The following RAPGEF5 variants were observed in gnomAD, a reference collection of about 807,000 sequenced individuals.
RAPGEF5 encodes the protein M-Ras-regulated GEF.
RAPGEF5 carries 65 observed loss-of-function variants against 125.2 expected under a neutral mutation model. The ratio of observed to expected loss-of-function variants is 0.52; its 90% confidence interval spans 0.43 to 0.64. The LOEUF (loss-of-function observed/expected upper bound fraction) is 0.64, where lower values mean the gene tolerates loss of function less well. RAPGEF5 is among the 30% of genes least tolerant of loss of function. The pLI is 0.00. For missense variants in RAPGEF5, 958 were observed against 1,048.1 expected (o/e 0.91, Z 1.19); for synonymous variants, 391 against 385.9 (o/e 1.01, Z -0.16).
intron 1 of RAPGEF5, among the ~76,000 whole-genome samples, chr7:22,347,538 T>G (rs1784245638): frequency 6.6e-6 from 1 of 152,102 alleles, no homozygotes; most frequent in Admixed American, 6.6e-5. Flanking sequence ...GTAAGATACA[T>G]CTCAATTTTG....
At chr7:22,341,666 G>C (rs1030286850) in intron 1 of RAPGEF5, among the ~76,000 whole-genome samples, 1 of 152,146 alleles carries the variant, frequency 6.6e-6, no homozygotes, top group Non-Finnish European at 1.5e-5. Flanking sequence ...AAAACAAAGG[G>C]GCTACAGGCC....
At chr7:22,157,164 C>T (rs1783837042) in intron 15 of RAPGEF5, among the ~76,000 whole-genome samples, 1 of 152,208 alleles carries the variant, frequency 6.6e-6, no homozygotes, top group Non-Finnish European at 1.5e-5. Flanking sequence ...CTGGCTATTA[C>T]AAACATCCAT....
chr7:22,295,096 A>G (rs1006436783), intron 5 of RAPGEF5, among the ~76,000 whole-genome samples: 2 of 152,154 alleles, frequency 1.3e-5, no homozygotes, highest in African/African-American at 4.8e-5. Context: ...TCCCCTACCC[A>G]TGATGTCTAT....
At chr7:22,142,489 G>A (rs1250322692) in intron 20 of RAPGEF5, among the ~76,000 whole-genome samples, 2 of 151,802 alleles carry the variant, frequency 1.3e-5, no homozygotes, top group South Asian at 2.1e-4. Flanking sequence ...GGTCCATATA[G>A]CTTTCTTTTT....
chr7:22,220,558 G>C lies in RAPGEF5; in HGVS notation c.871-567C>G, dbSNP rs191774971. 2.6e-3 allele frequency among the ~76,000 whole-genome samples: 401 copies of C among 152,124 alleles called. 3 individuals are homozygous for C. The highest frequency in any genetic ancestry group is 9.5e-3 in the African/African-American group (394 of 41,478). The stretch of plus-strand genomic sequence containing the variant: ...TACCACTAATAGTGCATAAAAGATG[G>C]TGAAATATTTTGCTAAAAATAAGAC... On this transcript the variant is annotated intron_variant, in intron 8 of 25. Transcript: ENST00000665637.
At chr7:22,147,366 G>T (rs986248147) in intron 18 of RAPGEF5, among the ~76,000 whole-genome samples, 1 of 152,208 alleles carries the variant, frequency 6.6e-6, no homozygotes, top group African/African-American at 2.4e-5. Flanking sequence ...TTGGCTTCTG[G>T]TAAGAATTAA....
intron 18 of RAPGEF5, among the ~76,000 whole-genome samples, chr7:22,149,353 C>A (rs927528794): frequency 2.6e-5 from 4 of 152,198 alleles, no homozygotes; most frequent in Admixed American, 2.6e-4. Context: ...ATTATACATA[C>A]AACAGGAGCC....
rs56227551 is a variant in RAPGEF5 at position 22,197,893 on chromosome 7, T to G, written c.997-3860A>C. Among the ~76,000 whole-genome samples, 67 of 116,346 alleles carry G rather than the reference T, an allele frequency of 5.8e-4. 1 individual carries two copies. The highest frequency in any genetic ancestry group is 1.2e-3 in the East Asian group (4 of 3,476). 76.3% of individuals were successfully genotyped at this position (116,346 alleles called of 152,430 possible). ...ATTAAATCTCTTTTTTCTTTTTTTT[T>G]GGGGGGGGGTGGTAGGAGGACATTC... is the stretch of plus-strand genomic sequence containing the variant. On this transcript the variant is annotated intron_variant, in intron 9 of 25. Coordinates refer to ENST00000665637, the MANE Select transcript of RAPGEF5 (RefSeq NM_012294.5).
At chr7:22,353,435 T>C (rs1250590755) in intron 1 of RAPGEF5, among the ~76,000 whole-genome samples, 1 of 152,186 alleles carries the variant, frequency 6.6e-6, no homozygotes, top group African/African-American at 2.4e-5. Flanking sequence ...AATGTCCTTA[T>C]CAGGACCGTA....
intron 7 of RAPGEF5, among the ~76,000 whole-genome samples, chr7:22,252,354 G>A (rs1351787122): frequency 1.3e-5 from 2 of 152,124 alleles, no homozygotes; most frequent in Non-Finnish European, 2.9e-5. Flanking sequence ...AATTCAATTA[G>A]CTTTGTCTAC....
At chr7:22,139,993 T>C (rs1288799994) in intron 21 of RAPGEF5, 32 bp downstream of exon 21, 5 of 1,500,624 alleles carry the variant, frequency 3.3e-6, no homozygotes, top group Non-Finnish European at 4.5e-6. Flanking sequence ...TTCCATTTTA[T>C]GTGCCCCTCA....
At chr7:22,342,228 C>T (rs767588430) in intron 1 of RAPGEF5, among the ~76,000 whole-genome samples, 1 of 152,202 alleles carries the variant, frequency 6.6e-6, no homozygotes. Flanking sequence ...TATGTTGGCC[C>T]CTTTCAGCCA....
At chr7:22,331,514 G>A (rs1269899701) in intron 1 of RAPGEF5, among the ~76,000 whole-genome samples, 1 of 152,096 alleles carries the variant, frequency 6.6e-6, no homozygotes, top group Non-Finnish European at 1.5e-5. Context: ...GGGAGGCCGA[G>A]GCGGGCGGAT....
intron 9 of RAPGEF5, among the ~76,000 whole-genome samples, chr7:22,197,896 G>GGGA (rs937737017): frequency 5.5e-5 from 8 of 146,462 alleles, no homozygotes; most frequent in African/African-American, 2.0e-4. Flanking sequence ...TTTTTTTTGG[G>GGGA]GGGGGGTGGT....
At chr7:22,346,423 A>G (rs901410922) in intron 1 of RAPGEF5, among the ~76,000 whole-genome samples, 2 of 152,158 alleles carry the variant, frequency 1.3e-5, no homozygotes, top group African/African-American at 4.8e-5. Context: ...TCCTATGTAC[A>G]AATTCACAGC....
intron 5 of RAPGEF5, among the ~76,000 whole-genome samples, chr7:22,305,369 T>C (rs1783312403): frequency 6.6e-6 from 1 of 152,216 alleles, no homozygotes; most frequent in South Asian, 2.1e-4. Flanking sequence ...ATATTAACTA[T>C]TCAGTATTGT....
chr7:22,317,267 G>C (rs1326291910), intron 2 of RAPGEF5, among the ~76,000 whole-genome samples: 3 of 145,214 alleles, frequency 2.1e-5, no homozygotes, highest in Non-Finnish European at 4.5e-5. Flanking sequence ...TTGAGATGGA[G>C]TCTTGCTCTG....
intron 11 of RAPGEF5, chr7:22,191,622 T>C (rs1267052445): frequency 2.1e-6 from 1 of 470,734 alleles, no homozygotes; most frequent in Non-Finnish European, 4.4e-6. Context: ...GTGACACATG[T>C]GATCCCAGGG....
intron 9 of RAPGEF5, among the ~76,000 whole-genome samples, chr7:22,206,075 C>T (rs1785390277): frequency 6.6e-6 from 1 of 152,174 alleles, no homozygotes; most frequent in African/African-American, 2.4e-5. Flanking sequence ...AAGAGTTCAA[C>T]ACTCAAAAGC....
Sources: allele counts gnomAD v4.1 joint callset (sites outside exome capture counted in the v4.1 genomes callset), GRCh38; gene constraint gnomAD v4.1.1; transcripts MANE v1.5; gene names NCBI Gene and HGNC (gene_info 2026-07-23, HGNC 2026-07-21).